The following HFE variants were observed in gnomAD, a reference collection of about 807,000 sequenced individuals.
The protein encoded by HFE is hereditary hemochromatosis protein.
In HFE, 36 loss-of-function variants were observed where a neutral mutation model predicts 40.9. The ratio of observed to expected loss-of-function variants is 0.88; its 90% CI spans 0.67 to 1.16. The LOEUF is 1.16. Ranked by LOEUF, HFE falls within the 50% of genes most tolerant of loss-of-function variation. The pLI is 0.00. For synonymous variants in HFE, 157 were observed against 165.4 expected, an observed-to-expected ratio of 0.95 and a Z score of 0.39; for missense variants, 376 against 432.0, an observed-to-expected ratio of 0.87 and a Z score of 1.15.
Position 26,094,447 on chromosome 6 carries a change from T to TC in HFE, c.*225dup. The TC allele has an allele frequency of 1.4e-6, 1 of 704,270 alleles. No individual in the cohort carries two copies. Among genetic ancestry groups the TC allele is most frequent in the Non-Finnish European group, 2.6e-6 (1 of 385,668 alleles). 43.6% of individuals were successfully genotyped at this position (704,270 alleles called of 1,614,324 possible). A position where few individuals can be genotyped will look rare whatever the true frequency, so the allele number is the denominator to read the frequency against. Reference sequence around the variant, plus strand: ...GCCGGTGATCCCTAGCTGTGACCTCTCCCCTGGAACTGTCTCTCATGAACC... The same window carrying TC: ...GCCGGTGATCCCTAGCTGTGACCTCTCCCCCTGGAACTGTCTCTCATGAACC... On this transcript the variant is annotated 3_prime_UTR_variant, in exon 6 of 6. Transcript: ENST00000357618.
intron 1 of HFE, among the ~76,000 whole-genome samples, 185 bp downstream of exon 1, chr6:26,087,701 G>C (rs1762380790): frequency 6.6e-6 from 1 of 152,170 alleles, no homozygotes; most frequent in Non-Finnish European, 1.5e-5. Context: ...ACTGCAGATA[G>C]GGGTCCCTCG....
In HFE at chr6:26,090,442, CAAAAAAAAAA is replaced by C. The variant is rs56267433; in HGVS notation, c.77-379_77-370del. Among the ~76,000 whole-genome samples, 9 of 36,728 alleles carry C rather than the reference CAAAAAAAAAA, an allele frequency of 2.5e-4. No homozygotes were observed. In the East Asian group the frequency reaches 3.2e-3, roughly 13 times the overall value. 24.1% of individuals were successfully genotyped at this position (36,728 alleles called of 152,430 possible). A position where few individuals can be genotyped will look rare whatever the true frequency, so the allele number is the denominator to read the frequency against. ...TGGGTGATAGAGTGAGACTCTGTCT[CAAAAAAAAAA>C]AAAAAAAAAAAAAAAAAAACTGAAG... On this transcript the variant is annotated intron_variant, in intron 1 of 5. Transcript: ENST00000357618.
At chr6:26,092,173 TAA>T (rs34225963) in intron 3 of HFE, among the ~76,000 whole-genome samples, 18,006 of 98,672 alleles carry the variant, frequency 0.18, 1,519 homozygotes, top group Non-Finnish European at 0.23. Context: ...GACTCCATCT[TAA>T]AAAAAAAAAA....
rs543200347 is a variant in HFE at position 26,092,842 on chromosome 6, C to T, written c.774C>T (p.Pro258=). 5 of 1,614,192 alleles carry T rather than the reference C, an allele frequency of 3.1e-6. No homozygotes were observed. In the South Asian group the frequency reaches 4.4e-5, roughly 14 times the overall value. Reference sequence around the variant, plus strand: ...AGTTCGAACCTAAAGACGTATTGCCCAATGGGGATGGGACCTACCAGGGCT... The same window carrying T: ...AGTTCGAACCTAAAGACGTATTGCCTAATGGGGATGGGACCTACCAGGGCT... ...AKEFEPKDVL[P]NGDGTYQGWI... The change falls in exon 4 of 6, where the codon CCC becomes CCT. Residue 258 remains proline, a synonymous_variant. Transcript: ENST00000357618.
rs371192232 is a variant in HFE at position 26,093,177 on chromosome 6, C to T, written c.951C>T (p.Val317=). The change falls in exon 5 of 6, where the codon GTC becomes GTT. Residue 317 remains valine (V), a synonymous_variant. Transcript: ENST00000357618. ...TCATCAGTGGAATTGCTGTTTTTGT[C>T]GTCATCTTGTTCATTGGAATTTTGT... ...IGVISGIAVF[V]VILFIGILFI... The T allele has an allele frequency of 8.7e-6, 14 of 1,613,860 alleles. No homozygotes were observed. Among genetic ancestry groups the T allele is most frequent in the African/African-American group, 6.7e-5 (5 of 74,852 alleles).
intron 3 of HFE, among the ~76,000 whole-genome samples, chr6:26,091,803 A>G (rs1328509346): frequency 1.3e-5 from 2 of 152,194 alleles, no homozygotes; most frequent in South Asian, 2.1e-4. Flanking sequence ...TTCTCCATGC[A>G]TATGGCTCAA....
In HFE at chr6:26,097,571, G is replaced by A. The variant is rs1232444455; in HGVS notation, c.*3345G>A. On this transcript the variant is annotated 3_prime_UTR_variant, in exon 6 of 6. Coordinates refer to ENST00000357618, the MANE Select transcript of HFE (RefSeq NM_000410.4). ...GAATAAAGAATGGGTGGAGGGGCGT[G>A]CACTGGAAATCACTTGTAGAGAAAA... 6.6e-6 allele frequency: 1 copy of A among 152,180 alleles called. No individual in the cohort carries two copies. The highest frequency in any genetic ancestry group is 6.5e-5 in the Admixed American group (1 of 15,278). The allele number at this position is 152,180 out of a possible 1,614,324, so 9.4% of individuals were successfully genotyped here. A position where few individuals can be genotyped will look rare whatever the true frequency, so the allele number is the denominator to read the frequency against.
Position 26,094,724 on chromosome 6 carries a change from A to C in HFE, c.*498A>C. 1 of 462,458 alleles carries C rather than the reference A, an allele frequency of 2.2e-6. No individual in the cohort carries two copies. The highest frequency in any genetic ancestry group is 3.9e-6 in the Non-Finnish European group (1 of 253,200). 28.6% of individuals were successfully genotyped at this position (462,458 alleles called of 1,614,324 possible). A position where few individuals can be genotyped will look rare whatever the true frequency, so the allele number is the denominator to read the frequency against. ...TTTGAATCCTCTCTCTGTGTTACCCAGTAACTCATCTGTCACCAAGCCTTG... is the reference window on the plus strand; with the variant it reads ...TTTGAATCCTCTCTCTGTGTTACCCCGTAACTCATCTGTCACCAAGCCTTG... On this transcript the variant is annotated 3_prime_UTR_variant, in exon 6 of 6. Transcript: ENST00000357618.
intron 5 of HFE, 33 bp downstream of exon 5, chr6:26,093,265 C>T: frequency 6.9e-7 from 1 of 1,457,044 alleles, no homozygotes; most frequent in Non-Finnish European, 9.6e-7. Context: ...TCTCTTAGTA[C>T]CTCTGCCCCA....
chr6:26,093,973 T>C (rs1260950495), intron 5 of HFE, among the ~76,000 whole-genome samples: 1 of 152,114 alleles, frequency 6.6e-6, no homozygotes, highest in Non-Finnish European at 1.5e-5. Flanking sequence ...ATCTCCCTTA[T>C]ATGGTGAATG....
At position 26,092,862 on chromosome 6, in the gene HFE, A is replaced by G; in HGVS notation, c.794A>G (p.Gln265Arg). 6.2e-7 allele frequency: 1 copy of G among 1,614,210 alleles called. No individual in the cohort carries two copies. The highest frequency in any genetic ancestry group is 8.5e-7 in the Non-Finnish European group (1 of 1,180,038). ...DVLPNGDGTY[Q>R]GWITLAVPPG... is the part of the protein sequence containing the mutation. ...TTGCCCAATGGGGATGGGACCTACC[A>G]GGGCTGGATAACCTTGGCTGTACCC... The change falls in exon 4 of 6, where the codon CAG becomes CGG. Residue 265 changes from glutamine to arginine, a missense_variant. Around this residue, in one of 3 missense-constraint regions of HFE, gnomAD observed 173 missense variants for 186.9 expected, o/e 0.93. Coordinates refer to ENST00000357618, the MANE Select transcript of HFE (RefSeq NM_000410.4).
chr6:26,094,658 C>G lies in HFE; in HGVS notation c.*432C>G, dbSNP rs545152311. ...TAGTCATAACCTTACCAGATTTTTA[C>G]ACATGTATCTATGCATTTTCTGGAC... On this transcript the variant is annotated 3_prime_UTR_variant, in exon 6 of 6. Transcript: ENST00000357618. 8.6e-6 allele frequency: 5 copies of G among 582,924 alleles called. No homozygotes were observed. The Admixed American group carries it at 1.2e-4, about 14-fold the overall frequency. The allele number at this position is 582,924 out of a possible 1,614,324, so 36.1% of individuals were successfully genotyped here.
In HFE at chr6:26,096,817, ATATTG is replaced by A. The variant is rs1249550815; in HGVS notation, c.*2600_*2604del. 1 of 354,650 alleles carries A rather than the reference ATATTG, an allele frequency of 2.8e-6. No individual in the cohort carries two copies. Among genetic ancestry groups the A allele is most frequent in the Non-Finnish European group, 5.5e-6 (1 of 182,914 alleles). The allele number at this position is 354,650 out of a possible 1,614,324, so 22.0% of individuals were successfully genotyped here. On this transcript the variant is annotated 3_prime_UTR_variant, in exon 6 of 6. Transcript: ENST00000357618. ...AAAATGCATATACTTTAATAAATGT[ATATTG>A]TATTGTATACTGCATGATTTTATTG...
intron 3 of HFE, among the ~76,000 whole-genome samples, chr6:26,092,003 C>T (rs1004285242): frequency 2.0e-5 from 3 of 151,448 alleles, no homozygotes; most frequent in Admixed American, 6.6e-5. Context: ...TGGTGAAACC[C>T]GTCTCTAAAA....
rs1254965295 is a variant in HFE, at chr6:26,095,982, C to G, written c.*1756C>G. 6.5e-6 allele frequency: 1 copy of G among 152,908 alleles called. No homozygotes were observed. Among genetic ancestry groups the G allele is most frequent in the African/African-American group, 2.4e-5 (1 of 41,394 alleles). The allele number at this position is 152,908 out of a possible 1,614,324, so 9.5% of individuals were successfully genotyped here. A position where few individuals can be genotyped will look rare whatever the true frequency, so the allele number is the denominator to read the frequency against. On this transcript the variant is annotated 3_prime_UTR_variant, in exon 6 of 6. Transcript: ENST00000357618. Reference sequence around the variant, plus strand: ...TTCCCTCAATGAAGTGGAGTAAGCTCTCTCATTTTGAGATGGTATAATGGA... The same window carrying G: ...TTCCCTCAATGAAGTGGAGTAAGCTGTCTCATTTTGAGATGGTATAATGGA...
intron 2 of HFE, 27 bp downstream of exon 2, chr6:26,091,131 C>A: frequency 6.2e-7 from 1 of 1,613,672 alleles, no homozygotes; most frequent in Non-Finnish European, 8.5e-7. Flanking sequence ...CCTCACCTTC[C>A]TGAGGTTGTC....
At chr6:26,092,188 A>G (rs1762763043) in intron 3 of HFE, among the ~76,000 whole-genome samples, 1 of 151,688 alleles carries the variant, frequency 6.6e-6, no homozygotes, top group Non-Finnish European at 1.5e-5. Context: ...AAAAAAAAAA[A>G]AAAAAAAAGA....
intron 3 of HFE, 40 bp from the exon 4 acceptor site, chr6:26,092,645 A>G: frequency 1.2e-6 from 2 of 1,614,102 alleles, no homozygotes; most frequent in South Asian, 1.1e-5. Flanking sequence ...GGCAAGGGTA[A>G]ACAGATCCCC....
intron 1 of HFE, among the ~76,000 whole-genome samples, chr6:26,088,114 G>T (rs917250308): frequency 9.2e-5 from 14 of 152,224 alleles, no homozygotes; most frequent in Non-Finnish European, 1.9e-4. Context: ...AGGCTCCTGA[G>T]AGAGGCCTAC....
Sources: gnomAD v4.1 joint callset for allele counts (sites outside exome capture counted in the v4.1 genomes callset) on GRCh38, gnomAD v4.1.1 for gene constraint, gnomAD v4.1.1 regional missense constraint, MANE v1.5 for transcripts, NCBI Gene and HGNC (gene_info 2026-07-23, HGNC 2026-07-21) for gene names.